The following SSBP3 variants were observed in gnomAD, a reference collection of about 807,000 sequenced individuals.
The protein encoded by SSBP3 is single-stranded DNA-binding protein 3.
SSBP3 carries 5 observed loss-of-function variants against 69.6 expected under a neutral mutation model. That is an observed-to-expected ratio of 0.07 (90% CI 0.04 to 0.15). The LOEUF (loss-of-function observed/expected upper bound fraction) is 0.15, where lower values mean the gene tolerates loss of function less well. Among genes scored for constraint, SSBP3 ranks in the 10% least tolerant of loss-of-function variants. The probability of loss-of-function intolerance (pLI) is 1.00; values close to 1 mark genes in which losing one functional copy is unlikely to be tolerated. For missense variants in SSBP3, 312 were observed against 534.0 expected, an observed-to-expected ratio of 0.58 and a Z score of 4.10; for synonymous variants, 196 against 193.4, an observed-to-expected ratio of 1.01 and a Z score of -0.11.
At chr1:54,408,272 G>A (rs1649904128), upstream of SSBP3, among the ~76,000 whole-genome samples, 1 of 152,204 alleles carries the variant, frequency 6.6e-6, no homozygotes, top group South Asian at 2.1e-4. Context: ...GGAATACAAG[G>A]ATAGGGGAGA....
At chr1:54,395,039 C>A (rs562552159) in intron 4 of SSBP3, among the ~76,000 whole-genome samples, 1 of 150,642 alleles carries the variant, frequency 6.6e-6, no homozygotes, top group Non-Finnish European at 1.5e-5. Flanking sequence ...ATGTGGGAAT[C>A]GCCTTTGTGG....
intron 5 of SSBP3, among the ~76,000 whole-genome samples, chr1:54,272,981 CCCTTCCCT>C (rs578235682): frequency 1.2e-3 from 189 of 152,286 alleles, no homozygotes; most frequent in African/African-American, 4.4e-3. Flanking sequence ...GACTCCTTCC[CCCTTCCCT>C]CCCTCAAAAG....
At chr1:54,337,587 C>A (rs965743423) in intron 4 of SSBP3, among the ~76,000 whole-genome samples, 1 of 147,984 alleles carries the variant, frequency 6.8e-6, no homozygotes, top group South Asian at 2.2e-4. Flanking sequence ...AACCTCCCTC[C>A]GTCTCCCGGG....
chr1:54,293,983 A>G (rs2100962478), intron 4 of SSBP3, among the ~76,000 whole-genome samples: 1 of 151,220 alleles, frequency 6.6e-6, no homozygotes, highest in South Asian at 2.1e-4. Context: ...CTAAAAATAC[A>G]AAAAAAATTA....
At chr1:54,391,272 C>T (rs376651142) in intron 4 of SSBP3, among the ~76,000 whole-genome samples, 30 of 152,222 alleles carry the variant, frequency 2.0e-4, no homozygotes, top group Non-Finnish European at 3.8e-4. Flanking sequence ...AGAAAAAAGC[C>T]GGCCACTGTT....
At chr1:54,272,832 G>T (rs546241254) in intron 5 of SSBP3, among the ~76,000 whole-genome samples, 53 of 152,198 alleles carry the variant, frequency 3.5e-4, no homozygotes, top group Non-Finnish European at 6.9e-4. Context: ...TGAGGTGAAC[G>T]CAGCTACTGA....
chr1:54,280,918 G>GA (rs1424708029), intron 5 of SSBP3, among the ~76,000 whole-genome samples: 1 of 152,132 alleles, frequency 6.6e-6, no homozygotes, highest in Non-Finnish European at 1.5e-5. Context: ...ATCACACTCG[G>GA]AAAAAATCAA....
intron 4 of SSBP3, among the ~76,000 whole-genome samples, chr1:54,353,123 G>T (rs1478746001): frequency 6.6e-6 from 1 of 152,146 alleles, no homozygotes; most frequent in African/African-American, 2.4e-5. Flanking sequence ...CCCTGGACAG[G>T]TCCCCACACA....
chr1:54,379,847 C>A (rs886736789), intron 4 of SSBP3, among the ~76,000 whole-genome samples: 1 of 152,226 alleles, frequency 6.6e-6, no homozygotes, highest in Admixed American at 6.5e-5. Context: ...ATCGTCCCTG[C>A]CCTTCCTGCA....
upstream of SSBP3, among the ~76,000 whole-genome samples, chr1:54,406,690 C>A (rs907605729): frequency 1.7e-4 from 26 of 151,946 alleles, no homozygotes; most frequent in African/African-American, 6.3e-4. Context: ...CTCGCCCCAG[C>A]GAGGAGGGGG....
chr1:54,240,073 T>TGC (rs1557448402), intron 13 of SSBP3, among the ~76,000 whole-genome samples: 3 of 26,194 alleles, frequency 1.1e-4, no homozygotes, highest in Non-Finnish European at 2.1e-4. Flanking sequence ...TGTGTGTGTG[T>TGC]GTGTGTGTGT....
chr1:54,233,294 CGCCTCTGCCCGGCCGCG>C (rs1644416656), intron 14 of SSBP3, among the ~76,000 whole-genome samples: 1 of 150,058 alleles, frequency 6.7e-6, no homozygotes, highest in Non-Finnish European at 1.5e-5. Flanking sequence ...ATGTGAGGAG[CGCCTCTGCCCGGCCGCG>C]ACCCCGTCTG....
chr1:54,328,010 T>C (rs12563481), intron 4 of SSBP3, among the ~76,000 whole-genome samples: 34,378 of 152,090 alleles, frequency 0.23, 7,108 homozygotes, highest in African/African-American at 0.54. Context: ...ATAAAGCTCA[T>C]GATAAATGTT....
intron 5 of SSBP3, among the ~76,000 whole-genome samples, chr1:54,270,731 C>G (rs1375788717): frequency 6.6e-6 from 1 of 152,190 alleles, no homozygotes; most frequent in Non-Finnish European, 1.5e-5. Context: ...TCTCGAGAGC[C>G]AACCCAGCAC....
chr1:54,261,195 C>A (rs1411594403), intron 5 of SSBP3, among the ~76,000 whole-genome samples: 1 of 152,202 alleles, frequency 6.6e-6, no homozygotes, highest in African/African-American at 2.4e-5. Context: ...GGCAGAGATC[C>A]GTGTTTGTGG....
At chr1:54,333,608 C>G (rs1646458683) in intron 4 of SSBP3, among the ~76,000 whole-genome samples, 2 of 152,208 alleles carry the variant, frequency 1.3e-5, no homozygotes, top group Non-Finnish European at 2.9e-5. Context: ...GACAGGCTAT[C>G]TGGGTTTAAA....
At chr1:54,323,643 T>C (rs1175857104) in intron 4 of SSBP3, among the ~76,000 whole-genome samples, 1 of 152,152 alleles carries the variant, frequency 6.6e-6, no homozygotes, top group African/African-American at 2.4e-5. Context: ...TGGATGCGGG[T>C]GCTTGGGGGC....
rs189533994 is a variant in SSBP3 at position 54,293,169 on chromosome 1, T to C, written c.277-11642A>G. 2.1e-3 allele frequency among the ~76,000 whole-genome samples: 316 copies of C among 152,112 alleles called. 5 individuals are homozygous for C. Among genetic ancestry groups the C allele is most frequent in the Admixed American group, 0.018 (278 of 15,284 alleles). On this transcript the variant is annotated intron_variant, in intron 4 of 17. Coordinates refer to ENST00000610401, the Ensembl canonical transcript of SSBP3. ...CACTTCGGAGCTCACTACAGATTAT[T>C]TGTTGGGCATCTACCAGGTGCACAC...
At chr1:54,303,497 A>C (rs1376295143) in intron 4 of SSBP3, among the ~76,000 whole-genome samples, 1 of 152,048 alleles carries the variant, frequency 6.6e-6, no homozygotes, top group African/African-American at 2.4e-5. Context: ...CCTTCCTTGC[A>C]CTCATCCCGT....
Sources: allele counts gnomAD v4.1 joint callset (sites outside exome capture counted in the v4.1 genomes callset), GRCh38; gene constraint gnomAD v4.1.1; transcripts MANE v1.5; gene names NCBI Gene and HGNC (gene_info 2026-07-23, HGNC 2026-07-21).